The following ZNF638 variants were observed in gnomAD, a reference collection of about 807,000 sequenced individuals.
ZNF638 encodes the protein CTCL tumor antigen se33-1.
A neutral mutation model predicts 195.6 loss-of-function variants in ZNF638; 46 were observed. The ratio of observed to expected loss-of-function variants is 0.24; its 90% CI spans 0.19 to 0.30. The LOEUF (loss-of-function observed/expected upper bound fraction) is 0.30, where lower values mean the gene tolerates loss of function less well. ZNF638 is among the 10% of genes least tolerant of loss of function. The pLI, the probability that ZNF638 is intolerant of heterozygous loss-of-function variation, is 1.00. For synonymous variants in ZNF638, 845 were observed against 772.0 expected (o/e 1.09, Z -1.57); for missense variants, 2,440 against 2,325.3 (o/e 1.05, Z -1.01).
At chr2:71,396,435 T>C (rs1031779527) in intron 11 of ZNF638, among the ~76,000 whole-genome samples, 1 of 152,244 alleles carries the variant, frequency 6.6e-6, no homozygotes, top group African/African-American at 2.4e-5. Flanking sequence ...ATTTTCCTCT[T>C]TCTCTTTTAT....
intron 10 of ZNF638, chr2:71,388,359 T>C (rs376335597): frequency 3.7e-5 from 21 of 569,616 alleles, no homozygotes; most frequent in Non-Finnish European, 5.8e-5. Context: ...TTTGATCATC[T>C]GACCTTTGAT....
chr2:71,365,251 T>C (rs1317680281), intron 5 of ZNF638, among the ~76,000 whole-genome samples, 178 bp from the exon 6 acceptor site: 1 of 152,152 alleles, frequency 6.6e-6, no homozygotes, highest in Admixed American at 6.5e-5. Context: ...TGAGGATCAC[T>C]GGTATAAGGG....
intron 10 of ZNF638, chr2:71,393,688 C>T (rs6741436): frequency 0.9 from 633,351 of 706,326 alleles, 284,354 homozygotes; most frequent in East Asian, 0.99. Context: ...GCTCTCGCTT[C>T]CCCTGCAACC....
chr2:71,408,392 TTATAA>T, intron 20 of ZNF638, 145 bp downstream of exon 20: 1 of 1,053,212 alleles, frequency 9.5e-7, no homozygotes. Context: ...TTTTCATAGT[TTATAA>T]AGCAGTATAA....
chr2:71,423,769 A>G lies in ZNF638; in HGVS notation c.4255A>G (p.Lys1419Glu), dbSNP rs762941240. 1.2e-6 allele frequency: 2 copies of G among 1,613,926 alleles called. No individual in the cohort carries two copies. Among genetic ancestry groups the G allele is most frequent in the Non-Finnish European group, 1.7e-6 (2 of 1,180,026 alleles). ...SKTENQKSFP[K>E]SVPRDQINAE... ...AACTGAAAATCAGAAAAGTTTTCCA[A>G]AATCTGTGCCCAGAGATCAAATAAA... is the stretch of plus-strand genomic sequence containing the variant. The change falls in exon 22 of 28, where the codon AAA becomes GAA. Residue 1419 changes from lysine to glutamate, a missense_variant. This residue lies in a region of ZNF638 where 1,883 missense variants were observed against 1,739.1 expected (regional missense o/e 1.08). Coordinates refer to ENST00000264447, the MANE Select transcript of ZNF638 (RefSeq NM_014497.5).
At chr2:71,386,547 C>T (rs1379337773) in intron 10 of ZNF638, among the ~76,000 whole-genome samples, 1 of 152,026 alleles carries the variant, frequency 6.6e-6, no homozygotes, top group Non-Finnish European at 1.5e-5. Context: ...ATTCAAGAGG[C>T]ATGGAAATTG....
At chr2:71,361,295 A>G (rs1453240008) in intron 3 of ZNF638, among the ~76,000 whole-genome samples, 2 of 152,178 alleles carry the variant, frequency 1.3e-5, no homozygotes, top group African/African-American at 4.8e-5. Flanking sequence ...GCTCTTGTGA[A>G]CCATAAACTA....
At chr2:71,431,118 A>G in intron 25 of ZNF638, 1 of 478,190 alleles carries the variant, frequency 2.1e-6, no homozygotes, top group Non-Finnish European at 3.8e-6. Flanking sequence ...TGTTAGCTTT[A>G]GACCTATATT....
At position 71,423,381 on chromosome 2, in the gene ZNF638, T is replaced by C; in HGVS notation, c.3867T>C (p.Thr1289=). The change falls in exon 22 of 28, where the codon ACT becomes ACC. Residue 1289 remains threonine (T), a synonymous_variant. Transcript: ENST00000264447. ...TGACGTTAGTACCAGGAATTCCCAC[T>C]GGGGATGAGAAGACAGTGGACAAAA... ...CIVTLVPGIP[T]GDEKTVDKKN... 1 of 1,613,434 alleles carries C rather than the reference T, an allele frequency of 6.2e-7. No homozygotes were observed. Among genetic ancestry groups the C allele is most frequent in the Non-Finnish European group, 8.5e-7 (1 of 1,179,916 alleles).
At chr2:71,433,938 C>G (rs1421865142) in intron 27 of ZNF638, among the ~76,000 whole-genome samples, 1 of 152,098 alleles carries the variant, frequency 6.6e-6, no homozygotes, top group Non-Finnish European at 1.5e-5. Context: ...GTATCTAAAC[C>G]CAAGGTCACA....
chr2:71,345,106 A>C (rs1573022795), intron 1 of ZNF638, among the ~76,000 whole-genome samples: 2 of 152,184 alleles, frequency 1.3e-5, no homozygotes, highest in Non-Finnish European at 1.5e-5. Flanking sequence ...TAAAACTTTC[A>C]TTATGCTATA....
intron 10 of ZNF638, among the ~76,000 whole-genome samples, chr2:71,381,732 CAG>C (rs2079538298): frequency 6.6e-6 from 1 of 152,004 alleles, no homozygotes; most frequent in Admixed American, 6.6e-5. Flanking sequence ...AAATAATTCA[CAG>C]AACACATTTT....
At chr2:71,335,493 GTC>G (rs1176243194) in intron 1 of ZNF638, among the ~76,000 whole-genome samples, 9 of 151,570 alleles carry the variant, frequency 5.9e-5, no homozygotes. Context: ...CTTGCCTATT[GTC>G]TCTGCTGAGT....
Position 71,403,987 on chromosome 2 carries a change from A to G in ZNF638, c.2947A>G (p.Ile983Val), listed in dbSNP as rs1296522556. ...AAGTATGGCTCCTGAAAACATGAAT[A>G]TAAAAGATGAGGTAAATCAGACCAC... ...SISMAPENMN[I>V]KDEEAIFITL... The change falls in exon 17 of 28, where the codon ATA (isoleucine) becomes GTA (valine). Residue 983 changes from isoleucine to valine, a missense_variant. By Grantham distance (29) the Ile-to-Val change is conservative. Coordinates refer to ENST00000264447, the MANE Select transcript of ZNF638 (RefSeq NM_014497.5). 2.5e-6 allele frequency: 4 copies of G among 1,609,960 alleles called. No individual in the cohort carries two copies. Among genetic ancestry groups the G allele is most frequent in the African/African-American group, 1.3e-5 (1 of 74,726 alleles).
chr2:71,331,959 CG>C, intron 1 of ZNF638, 84 bp downstream of exon 1: 2 of 979,424 alleles, frequency 2.0e-6, no homozygotes, highest in Non-Finnish European at 2.4e-6. Context: ...CTGTGAGATC[CG>C]GGCCGACTAT....
At chr2:71,347,242 A>G (rs1442285449) in intron 1 of ZNF638, among the ~76,000 whole-genome samples, 1 of 152,184 alleles carries the variant, frequency 6.6e-6, no homozygotes, top group Non-Finnish European at 1.5e-5. Flanking sequence ...GATTGGTTAG[A>G]TTGGTTGGAC....
At chr2:71,409,286 A>G (rs945481440) in intron 20 of ZNF638, among the ~76,000 whole-genome samples, 18 of 152,192 alleles carry the variant, frequency 1.2e-4, no homozygotes, top group Non-Finnish European at 1.6e-4. Context: ...ACTATTTAAA[A>G]TGAGTTAATA....
chr2:71,339,150 G>GTTTTTTTTTTT (rs35822775), intron 1 of ZNF638, among the ~76,000 whole-genome samples: 2 of 130,162 alleles, frequency 1.5e-5, no homozygotes, highest in African/African-American at 3.0e-5. Flanking sequence ...GTCGGTTTAG[G>GTTTTTTTTTTT]TTTTTTTTTT....
intron 6 of ZNF638, 107 bp from the exon 7 acceptor site, chr2:71,368,273 ACC>A: frequency 3.0e-6 from 3 of 990,230 alleles, no homozygotes; most frequent in Non-Finnish European, 4.2e-6. Context: ...TATGGAAAAG[ACC>A]CTTTAGTGTA....
Sources: gnomAD v4.1 joint callset for allele counts (sites outside exome capture counted in the v4.1 genomes callset) on GRCh38, gnomAD v4.1.1 for gene constraint, gnomAD v4.1.1 regional missense constraint, MANE v1.5 for transcripts, NCBI Gene and HGNC (gene_info 2026-07-23, HGNC 2026-07-21) for gene names.